The following TBC1D19 variants were observed in gnomAD, a reference collection of about 807,000 sequenced individuals.
The protein encoded by TBC1D19 is TBC1 domain family, member 19.
In TBC1D19, 60 loss-of-function variants were observed where a neutral mutation model predicts 89.0. That is an observed-to-expected ratio of 0.67 (90% CI 0.55 to 0.84). The LOEUF is 0.84. TBC1D19 is among the 40% of genes least tolerant of loss of function. The pLI, the probability that TBC1D19 is intolerant of heterozygous loss-of-function variation, is 0.00. For synonymous variants in TBC1D19, 189 were observed against 199.7 expected (o/e 0.95, Z 0.45); for missense variants, 500 against 610.8 (o/e 0.82, Z 1.91).
chr4:26,798,514 C>G, the TBC1D19 span, among the ~76,000 whole-genome samples: 1 of 152,000 alleles, frequency 6.6e-6, no homozygotes, highest in African/African-American at 2.4e-5. Flanking sequence ...GAACTAAAAA[C>G]AGAACTACCA....
intron 5 of TBC1D19, among the ~76,000 whole-genome samples, chr4:26,637,502 G>A (rs2110072662): frequency 6.6e-6 from 1 of 152,122 alleles, no homozygotes; most frequent in East Asian, 1.9e-4. Flanking sequence ...CCTCCAAGTA[G>A]CTGGGACTAC....
the TBC1D19 span, among the ~76,000 whole-genome samples, chr4:26,785,067 G>A: frequency 6.6e-6 from 1 of 152,204 alleles, no homozygotes; most frequent in South Asian, 2.1e-4. Context: ...CTGAGGCTCA[G>A]AGTGGTGCAG....
intron 7 of TBC1D19, among the ~76,000 whole-genome samples, chr4:26,649,933 A>G (rs374985457): frequency 1.9e-4 from 28 of 147,732 alleles, no homozygotes; most frequent in East Asian, 1.8e-3. Context: ...TCATTGTTCA[A>G]TTCCCACCTA....
intron 15 of TBC1D19, among the ~76,000 whole-genome samples, chr4:26,727,208 A>T (rs928808709): frequency 6.6e-6 from 1 of 152,162 alleles, no homozygotes. Context: ...AGGCAAAGGG[A>T]AGGATTTTGA....
At chr4:26,676,716 C>CAAAA (rs111713657) in intron 11 of TBC1D19, among the ~76,000 whole-genome samples, 1 of 85,870 alleles carries the variant, frequency 1.2e-5, no homozygotes, top group African/African-American at 4.2e-5. Context: ...AAGACTGTCT[C>CAAAA]AAAAAAAAAA....
In TBC1D19 at chr4:26,755,014, T is replaced by C; in HGVS notation, c.*67T>C. 2.8e-6 allele frequency: 4 copies of C among 1,445,954 alleles called. No homozygotes were observed. Among genetic ancestry groups the C allele is most frequent in the Non-Finnish European group, 3.7e-6 (4 of 1,070,934 alleles). 89.6% of individuals were successfully genotyped at this position (1,445,954 alleles called of 1,614,324 possible). On this transcript the variant is annotated 3_prime_UTR_variant, in exon 21 of 21. Coordinates refer to ENST00000264866, the MANE Select transcript of TBC1D19 (RefSeq NM_018317.4). Reference sequence around the variant, plus strand: ...GAAACAAATCATGAACTATGCAAACTCTGCATAAAACCAAAATGAAACTTT... The same window carrying C: ...GAAACAAATCATGAACTATGCAAACCCTGCATAAAACCAAAATGAAACTTT...
At chr4:26,663,068 C>G (rs1745313672) in intron 8 of TBC1D19, 1 of 152,114 alleles carries the variant, frequency 6.6e-6, no homozygotes. Flanking sequence ...GGATGGATGC[C>G]TGCAAGAAAA....
At chr4:26,657,971 G>A (rs1206210890) in intron 7 of TBC1D19, among the ~76,000 whole-genome samples, 1 of 152,130 alleles carries the variant, frequency 6.6e-6, no homozygotes, top group Non-Finnish European at 1.5e-5. Context: ...GTTCTTTGTA[G>A]GTTCTGGATA....
intron 19 of TBC1D19, among the ~76,000 whole-genome samples, chr4:26,750,969 A>G (rs975850985): frequency 2.0e-4 from 31 of 152,222 alleles, no homozygotes; most frequent in African/African-American, 7.0e-4. Flanking sequence ...TTTGAAGAAC[A>G]GTTTAAAGCA....
At chr4:26,645,995 C>T (rs867627515) in intron 7 of TBC1D19, among the ~76,000 whole-genome samples, 1,893 of 150,182 alleles carry the variant, frequency 0.013, 29 homozygotes, top group African/African-American at 0.043. Flanking sequence ...TAGTGGCGGG[C>T]GCCTGTAGTC....
chr4:26,700,990 A>T (rs1577956567), intron 13 of TBC1D19, among the ~76,000 whole-genome samples: 1 of 151,892 alleles, frequency 6.6e-6, no homozygotes, highest in African/African-American at 2.4e-5. Flanking sequence ...TACCTGGCCC[A>T]CCTCTCCGGG....
At chr4:26,692,235 A>G (rs1388207690) in intron 13 of TBC1D19, among the ~76,000 whole-genome samples, 2 of 152,112 alleles carry the variant, frequency 1.3e-5, no homozygotes, top group African/African-American at 4.8e-5. Flanking sequence ...AGTATTTCTT[A>G]TCTCCCTCAC....
the TBC1D19 span, among the ~76,000 whole-genome samples, chr4:26,781,002 G>T: frequency 6.6e-6 from 1 of 152,212 alleles, no homozygotes; most frequent in Non-Finnish European, 1.5e-5. Flanking sequence ...TAGGATCCAG[G>T]TCTTGAACTA....
At chr4:26,760,363 C>T (rs979783556), downstream of TBC1D19, among the ~76,000 whole-genome samples, 1 of 152,194 alleles carries the variant, frequency 6.6e-6, no homozygotes, top group African/African-American at 2.4e-5. Flanking sequence ...AGGAGTTCAA[C>T]ACCAGCTTGG....
chr4:26,751,693 CT>C (rs1209650384), intron 19 of TBC1D19, among the ~76,000 whole-genome samples: 1 of 152,232 alleles, frequency 6.6e-6, no homozygotes, highest in East Asian at 1.9e-4. Flanking sequence ...AGTTCTAATG[CT>C]TTTTTGCCCG....
the TBC1D19 span, among the ~76,000 whole-genome samples, chr4:26,775,861 T>G: frequency 6.6e-6 from 1 of 152,186 alleles, no homozygotes; most frequent in Non-Finnish European, 1.5e-5. Flanking sequence ...GTGGTCAGTT[T>G]TTTTTTAATA....
At chr4:26,785,257 A>G in the TBC1D19 span, among the ~76,000 whole-genome samples, 6 of 152,232 alleles carry the variant, frequency 3.9e-5, no homozygotes, top group Admixed American at 3.9e-4. Context: ...GGGATAGCCT[A>G]ACATTTCTCC....
Position 26,739,966 on chromosome 4 carries a change from A to C in TBC1D19, c.1220A>C (p.His407Pro). 2 of 1,570,354 alleles carry C rather than the reference A, an allele frequency of 1.3e-6. No homozygotes were observed. Among genetic ancestry groups the C allele is most frequent in the Non-Finnish European group, 1.7e-6 (2 of 1,155,058 alleles). ...FFFRLHSISS[H>P]PSGIVSLCLL... Reference sequence around the variant, plus strand: ...TTCAGACTCCATTCCATCTCTTCTCATCCTTCTGTAAGTTCATAAGAAAAA... The same window carrying C: ...TTCAGACTCCATTCCATCTCTTCTCCTCCTTCTGTAAGTTCATAAGAAAAA... Residue 407 changes from histidine (H) to proline (P), a missense_variant, in exon 17 of 21, where the codon CAT becomes CCT. Physicochemically the swap from His to Pro is moderately conservative, Grantham distance 77. Transcript: ENST00000264866.
At chr4:26,809,432 G>A in the TBC1D19 span, among the ~76,000 whole-genome samples, 3 of 152,022 alleles carry the variant, frequency 2.0e-5, no homozygotes, top group Non-Finnish European at 4.4e-5. Flanking sequence ...CTCCTATTGG[G>A]CAGGAGAAAG....
Sources: allele counts gnomAD v4.1 joint callset (sites outside exome capture counted in the v4.1 genomes callset), GRCh38; gene constraint gnomAD v4.1.1; transcripts MANE v1.5; gene names NCBI Gene and HGNC (gene_info 2026-07-23, HGNC 2026-07-21).